AP3D1: variants seen among roughly 807,000 people sequenced by gnomAD.
AP3D1 encodes AP-3 complex subunit delta-1.
A neutral mutation model predicts 147.6 loss-of-function variants in AP3D1; 51 were observed. That is an observed-to-expected ratio of 0.35 (90% CI 0.28 to 0.44). The LOEUF (loss-of-function observed/expected upper bound fraction) is 0.44, where lower values mean the gene tolerates loss of function less well. AP3D1 is among the 20% of genes least tolerant of loss of function. The pLI is 1.00. For missense variants in AP3D1, 1,421 were observed against 1,624.2 expected, an observed-to-expected ratio of 0.87 and a Z score of 2.15; for synonymous variants, 760 against 663.0, an observed-to-expected ratio of 1.15 and a Z score of -2.25.
At chr19:2,141,771 C>T (rs1036514607) in intron 1 of AP3D1, among the ~76,000 whole-genome samples, 7 of 150,946 alleles carry the variant, frequency 4.6e-5, no homozygotes, top group Non-Finnish European at 1.0e-4. Context: ...ATAGGGTCTT[C>T]CTCTATTGCA....
At chr19:2,104,336 G>A (rs2018048009) in intron 31 of AP3D1, among the ~76,000 whole-genome samples, 2 of 114,030 alleles carry the variant, frequency 1.8e-5, no homozygotes, top group African/African-American at 3.1e-5. Flanking sequence ...AGACCCCAAT[G>A]CCGAGACCGC....
At chr19:2,134,560 T>C (rs72983454) in intron 4 of AP3D1, among the ~76,000 whole-genome samples, 48,129 of 147,326 alleles carry the variant, frequency 0.33, 8,919 homozygotes, top group Non-Finnish European at 0.43. Context: ...CATGGTGAAA[T>C]CCTGTCTGTA....
chr19:2,161,648 T>C (rs1351597072), intron 1 of AP3D1, among the ~76,000 whole-genome samples: 1 of 152,082 alleles, frequency 6.6e-6, no homozygotes, highest in Non-Finnish European at 1.5e-5. Context: ...TCTGGGGTTT[T>C]ATAGAAAAAG....
intron 31 of AP3D1, among the ~76,000 whole-genome samples, chr19:2,107,466 C>A (rs1390660327): frequency 6.6e-6 from 1 of 151,804 alleles, no homozygotes; most frequent in Non-Finnish European, 1.5e-5. Context: ...AAAGGCCGGG[C>A]GCGGTGGCTC....
At chr19:2,122,626 A>G (rs1179249726) in intron 11 of AP3D1, among the ~76,000 whole-genome samples, 1 of 152,240 alleles carries the variant, frequency 6.6e-6, no homozygotes, top group Non-Finnish European at 1.5e-5. Context: ...GAAATGAACA[A>G]CTAATAGTAA....
chr19:2,155,976 C>T (rs891149281), upstream of AP3D1, among the ~76,000 whole-genome samples: 1 of 151,600 alleles, frequency 6.6e-6, no homozygotes, highest in South Asian at 2.1e-4. Context: ...TGGCGTGTAC[C>T]CGGGAGGCGG....
At chr19:2,138,314 G>A (rs2019130197) in intron 2 of AP3D1, among the ~76,000 whole-genome samples, 1 of 152,216 alleles carries the variant, frequency 6.6e-6, no homozygotes, top group African/African-American at 2.4e-5. Context: ...CCCAGCCTGT[G>A]GTGGGAGGGA....
At position 2,129,381 on chromosome 19, in the gene AP3D1, C is replaced by A; in HGVS notation, c.669G>T (p.Pro223=). ...AGGACGTCATCAGCTTGAAAAAGAG[C>A]GGGGCCAGGGACAGGTAGTTCTTAG... ...RNPKNYLSLA[P]LFFKLMTSST... is the part of the protein sequence containing the mutation. Residue 223 remains proline, a synonymous_variant, in exon 7 of 32, where the codon CCG becomes CCT. Transcript: ENST00000643116. The A allele has an allele frequency of 6.2e-7, 1 of 1,614,086 alleles. No homozygotes were observed. The highest frequency in any genetic ancestry group is 8.5e-7 in the Non-Finnish European group (1 of 1,180,004).
intron 1 of AP3D1, among the ~76,000 whole-genome samples, chr19:2,161,437 C>T (rs1433587449): frequency 6.6e-6 from 1 of 151,968 alleles, no homozygotes; most frequent in Non-Finnish European, 1.5e-5. Context: ...GCTGGGATTA[C>T]AGGCGTGAGT....
intron 31 of AP3D1, among the ~76,000 whole-genome samples, chr19:2,107,211 G>A (rs909151042): frequency 2.0e-5 from 3 of 150,838 alleles, no homozygotes; most frequent in Admixed American, 2.0e-4. Flanking sequence ...AGTGAGCCGA[G>A]ACCGCGCCAC....
At chr19:2,130,855 A>G (rs1376454945) in intron 5 of AP3D1, among the ~76,000 whole-genome samples, 2 of 152,246 alleles carry the variant, frequency 1.3e-5, no homozygotes, top group African/African-American at 4.8e-5. Context: ...AACACAGCCT[A>G]CAGCCCAGCT....
chr19:2,134,325 G>C (rs116753577), intron 4 of AP3D1, among the ~76,000 whole-genome samples: 1 of 152,014 alleles, frequency 6.6e-6, no homozygotes, highest in African/African-American at 2.4e-5. Context: ...GGAGGCTAAG[G>C]TGGGGAGATC....
At chr19:2,147,121 G>T (rs1303406867) in intron 1 of AP3D1, among the ~76,000 whole-genome samples, 2 of 152,170 alleles carry the variant, frequency 1.3e-5, no homozygotes, top group Non-Finnish European at 2.9e-5. Flanking sequence ...GAGGCTGGTG[G>T]ATCACCTGAG....
chr19:2,129,657 C>G (rs757910172), intron 6 of AP3D1, among the ~76,000 whole-genome samples, 200 bp from the exon 7 acceptor site: 6 of 152,248 alleles, frequency 3.9e-5, no homozygotes, highest in Non-Finnish European at 8.8e-5. Flanking sequence ...GCAGCCAGCT[C>G]CTGGCGCTGA....
chr19:2,112,022 G>A (rs544959152), intron 24 of AP3D1, 194 bp from the exon 25 acceptor site: 18 of 869,038 alleles, frequency 2.1e-5, no homozygotes, highest in East Asian at 8.2e-5. Flanking sequence ...GGCTGGGGCC[G>A]TCTCTGGTTG....
intron 1 of AP3D1, among the ~76,000 whole-genome samples, chr19:2,139,059 CAAAAAAAAA>C (rs60728832): frequency 0.024 from 1,455 of 61,672 alleles, 18 homozygotes; most frequent in Non-Finnish European, 0.032. Context: ...GACTCCGTCT[CAAAAAAAAA>C]AAAAAAAAAA....
chr19:2,123,322 C>T, intron 11 of AP3D1, 36 bp downstream of exon 11: 1 of 1,607,850 alleles, frequency 6.2e-7, no homozygotes, highest in Non-Finnish European at 8.5e-7. Context: ...GAGCTGGGGA[C>T]ACGAAAATGA....
At chr19:2,119,800 A>C (rs534933876) in intron 14 of AP3D1, among the ~76,000 whole-genome samples, 7 of 149,382 alleles carry the variant, frequency 4.7e-5, no homozygotes, top group Non-Finnish European at 8.9e-5. Flanking sequence ...GCCAGGCTTG[A>C]GCTTGGTGGC....
chr19:2,114,622 G>GCCCCCC, intron 21 of AP3D1, 126 bp downstream of exon 21: 2 of 665,750 alleles, frequency 3.0e-6, no homozygotes, highest in Non-Finnish European at 5.3e-6. Flanking sequence ...TCTGGGGAAG[G>GCCCCCC]CCCGCCCGCA....
Sources: gnomAD v4.1 joint callset for allele counts (sites outside exome capture counted in the v4.1 genomes callset) on GRCh38, gnomAD v4.1.1 for gene constraint, MANE v1.5 for transcripts, NCBI Gene and HGNC (gene_info 2026-07-23, HGNC 2026-07-21) for gene names.